The following ADSS2 variants were observed in gnomAD, a reference collection of about 807,000 sequenced individuals.
ADSS2 encodes adenylosuccinate synthetase isozyme 2.
ADSS2 carries 30 observed loss-of-function variants against 60.0 expected under a neutral mutation model. The observed-to-expected ratio is 0.50, with a 90% confidence interval of 0.37 to 0.68. The LOEUF is 0.68. Among genes scored for constraint, ADSS2 ranks in the 30% least tolerant of loss-of-function variants. The pLI is 0.00. For missense variants in ADSS2, 373 were observed against 554.8 expected, an observed-to-expected ratio of 0.67 and a Z score of 3.29; for synonymous variants, 187 against 193.1, an observed-to-expected ratio of 0.97 and a Z score of 0.26.
intron 3 of ADSS2, 65 bp from the exon 4 acceptor site, chr1:244,432,660 CTT>C (rs532312490): frequency 0.024 from 9,158 of 382,578 alleles, 7 homozygotes; most frequent in East Asian, 0.063. Context: ...ATCTTAATTT[CTT>C]TTTTTTTTTT....
At chr1:244,439,562 A>C (rs1267619078) in intron 1 of ADSS2, among the ~76,000 whole-genome samples, 1 of 151,916 alleles carries the variant, frequency 6.6e-6, no homozygotes, top group East Asian at 1.9e-4. Context: ...CCTTCTCCTC[A>C]AGTGGAGGGA....
At chr1:244,442,180 A>G (rs758477661) in intron 1 of ADSS2, among the ~76,000 whole-genome samples, 1 of 152,154 alleles carries the variant, frequency 6.6e-6, no homozygotes, top group Non-Finnish European at 1.5e-5. Flanking sequence ...CTCTTAGCTA[A>G]TATTTTACCA....
intron 11 of ADSS2, among the ~76,000 whole-genome samples, chr1:244,414,564 T>C (rs1393425485): frequency 6.6e-6 from 1 of 152,220 alleles, no homozygotes; most frequent in Non-Finnish European, 1.5e-5. Flanking sequence ...GGACTTTTGC[T>C]TCTACTTTCC....
intron 1 of ADSS2, among the ~76,000 whole-genome samples, chr1:244,440,576 T>G (rs1197927153): frequency 6.6e-6 from 1 of 152,182 alleles, no homozygotes; most frequent in East Asian, 1.9e-4. Context: ...TATTTATTTT[T>G]TTAATAAGAA....
At chr1:244,426,500 T>G (rs1051793960) in intron 4 of ADSS2, among the ~76,000 whole-genome samples, 1 of 152,168 alleles carries the variant, frequency 6.6e-6, no homozygotes, top group African/African-American at 2.4e-5. Flanking sequence ...AAGAACAGCC[T>G]TGGAATATCT....
chr1:244,451,710 C>A lies in ADSS2; in HGVS notation c.108G>T (p.Ala36=). The stretch of plus-strand genomic sequence containing the variant: ...TCCCTTTGCCTTCGTCGCCCCACTG[C>A]GCACCGAGCACCACCGTCACCCGGT... The part of the protein sequence containing the change: ...GGNRVTVVLG[A]QWGDEGKGKV... The change falls in exon 1 of 13, where the codon GCG becomes GCT. Residue 36 remains alanine (A), a synonymous_variant. Transcript: ENST00000366535. The surrounding 1 kb of genome is among the most constrained non-coding windows in gnomAD (Gnocchi z 6.6). The A allele has an allele frequency of 6.2e-7, 1 of 1,611,740 alleles. No homozygotes were observed. The highest frequency in any genetic ancestry group is 1.1e-5 in the South Asian group (1 of 90,716).
intron 3 of ADSS2, among the ~76,000 whole-genome samples, chr1:244,433,770 G>C (rs1443893948): frequency 1.4e-5 from 2 of 143,476 alleles, no homozygotes; most frequent in South Asian, 4.6e-4. Context: ...TGAGGCAGGA[G>C]AATCACTTGA....
Position 244,434,905 on chromosome 1 carries a change from A to C in ADSS2, c.355+1920T>G, listed in dbSNP as rs1002930546. ...TGAACAGGGCGGGGCGCGGTGGCTC[A>C]CATCTGTAATCCCAGCACCTTGGGA... On this transcript the variant is annotated intron_variant, in intron 3 of 12. Transcript: ENST00000366535. Among the ~76,000 whole-genome samples, 10 of 152,212 alleles carry C rather than the reference A, an allele frequency of 6.6e-5. No individual in the cohort carries two copies. The South Asian group carries it at 1.2e-3, about 19-fold the overall frequency.
intron 1 of ADSS2, among the ~76,000 whole-genome samples, chr1:244,441,725 G>A (rs1231430865): frequency 6.6e-6 from 1 of 152,066 alleles, no homozygotes; most frequent in Non-Finnish European, 1.5e-5. Flanking sequence ...GGGAGGCTGA[G>A]GCGGGTAGGT....
At chr1:244,417,513 T>C in intron 10 of ADSS2, 115 bp downstream of exon 10, 1 of 1,307,326 alleles carries the variant, frequency 7.6e-7, no homozygotes, top group Non-Finnish European at 1.0e-6. Flanking sequence ...GCACTACAAT[T>C]TCAATATGGA....
At position 244,448,105 on chromosome 1, in the gene ADSS2, C is replaced by A. The variant is rs12071840; in HGVS notation, c.183+3530G>T. On this transcript the variant is annotated intron_variant, in intron 1 of 12. Coordinates refer to ENST00000366535, the MANE Select transcript of ADSS2 (RefSeq NM_001126.5). ...AAATGGAAATAGCAATTGTTATAAA[C>A]CTGGAAGAATGGCTTACCTTAAATG... is the stretch of plus-strand genomic sequence containing the variant. 6.8e-3 allele frequency among the ~76,000 whole-genome samples: 1,032 copies of A among 152,184 alleles called. 14 individuals are homozygous for A. The highest frequency in any genetic ancestry group is 0.024 in the African/African-American group (980 of 41,522).
intron 3 of ADSS2, among the ~76,000 whole-genome samples, chr1:244,433,509 A>C (rs1426893346): frequency 6.6e-6 from 1 of 152,216 alleles, no homozygotes. Flanking sequence ...GGCAGGGAGA[A>C]ATTTGCCAGA....
At chr1:244,411,505 G>A (rs1436096648) in intron 11 of ADSS2, 69 bp from the exon 12 acceptor site, 1 of 1,453,290 alleles carries the variant, frequency 6.9e-7, no homozygotes, top group African/African-American at 1.4e-5. Context: ...TTGATATATT[G>A]TAGGTTCAAA....
intron 11 of ADSS2, among the ~76,000 whole-genome samples, chr1:244,412,608 T>TA (rs1664440374): frequency 1.3e-5 from 2 of 152,304 alleles, no homozygotes; most frequent in East Asian, 1.9e-4. Context: ...TGGCAGAACT[T>TA]AGACAAAATT....
At chr1:244,412,047 A>C (rs998479953) in intron 11 of ADSS2, among the ~76,000 whole-genome samples, 2 of 152,182 alleles carry the variant, frequency 1.3e-5, no homozygotes, top group Non-Finnish European at 2.9e-5. Context: ...CTCACAGTTC[A>C]GAGCCTCTGC....
rs148509609 is a variant in ADSS2, at chr1:244,424,347, T to C, written c.447A>G (p.Gln149=). The stretch of plus-strand genomic sequence containing the variant: ...TTTTTCCTGCTTGTTCTTGTCTCTG[T>C]TGTTCCTGGATACCATCAGCTGCTT... ...FHQAADGIQE[Q]QRQEQAGKNL... The change falls in exon 5 of 13, where the codon CAA becomes CAG. Residue 149 remains glutamine (Q), a synonymous_variant. Coordinates refer to ENST00000366535, the MANE Select transcript of ADSS2 (RefSeq NM_001126.5). 4 of 1,613,454 alleles carry C rather than the reference T, an allele frequency of 2.5e-6. No individual in the cohort carries two copies. Among genetic ancestry groups the C allele is most frequent in the African/African-American group, 1.3e-5 (1 of 74,992 alleles).
intron 11 of ADSS2, among the ~76,000 whole-genome samples, chr1:244,415,165 C>G (rs959086097): frequency 6.6e-6 from 1 of 152,112 alleles, no homozygotes; most frequent in Non-Finnish European, 1.5e-5. Flanking sequence ...GATGACAGAC[C>G]TTGCCACATG....
chr1:244,436,955 A>G, intron 2 of ADSS2, 62 bp from the exon 3 acceptor site: 1 of 1,403,022 alleles, frequency 7.1e-7, no homozygotes, highest in Non-Finnish European at 1.0e-6. Context: ...TGTAACTTAA[A>G]GGACATTCTG....
intron 4 of ADSS2, among the ~76,000 whole-genome samples, chr1:244,428,204 C>A (rs1185408413): frequency 6.6e-6 from 1 of 152,110 alleles, no homozygotes; most frequent in African/African-American, 2.4e-5. Context: ...TTATCCAAAA[C>A]AGACCACATC....
Sources: allele counts gnomAD v4.1 joint callset (sites outside exome capture counted in the v4.1 genomes callset), GRCh38; gene constraint gnomAD v4.1.1; non-coding constraint Gnocchi (gnomAD v3.1); transcripts MANE v1.5; gene names NCBI Gene and HGNC (gene_info 2026-07-23, HGNC 2026-07-21).